The following FRY variants were observed in gnomAD, a reference collection of about 807,000 sequenced individuals.
FRY encodes the protein protein furry homolog.
A neutral mutation model predicts 348.4 loss-of-function variants in FRY; 128 were observed. That is an observed-to-expected ratio of 0.37 (90% CI 0.32 to 0.43). The LOEUF is 0.43. Ranked by LOEUF, FRY falls within the 20% of genes least tolerant of loss-of-function variation. FRY has a pLI of 1.00. For missense variants in FRY, 2,736 were observed against 3,695.2 expected, an observed-to-expected ratio of 0.74 and a Z score of 6.73; for synonymous variants, 1,370 against 1,374.7, an observed-to-expected ratio of 1.00 and a Z score of 0.08.
chr13:32,071,744 T>C (rs1874672392), intron 1 of FRY, among the ~76,000 whole-genome samples: 1 of 151,818 alleles, frequency 6.6e-6, no homozygotes, highest in Non-Finnish European at 1.5e-5. Flanking sequence ...AAATTGGGAG[T>C]TGCTAATCAG....
chr13:32,103,125 C>G (rs1364333000), intron 3 of FRY, among the ~76,000 whole-genome samples: 1 of 152,222 alleles, frequency 6.6e-6, no homozygotes, highest in Non-Finnish European at 1.5e-5. Flanking sequence ...ATGCTCACAG[C>G]CAGCCCTGCA....
chr13:32,171,804 T>G (rs1165363665), intron 18 of FRY, among the ~76,000 whole-genome samples: 1 of 119,254 alleles, frequency 8.4e-6, no homozygotes, highest in African/African-American at 3.1e-5. Context: ...ACAAGGCTAT[T>G]TAGGGAATAG....
intron 7 of FRY, among the ~76,000 whole-genome samples, chr13:32,127,149 A>G (rs1159271553): frequency 6.6e-6 from 1 of 152,214 alleles, no homozygotes; most frequent in East Asian, 1.9e-4. Context: ...ATTCATTTAA[A>G]TAGTAATAAT....
chr13:32,075,564 A>G (rs911952747), intron 1 of FRY, among the ~76,000 whole-genome samples: 1 of 152,218 alleles, frequency 6.6e-6, no homozygotes, highest in African/African-American at 2.4e-5. Context: ...CTTTCTAATG[A>G]TAATGCTCTA....
At chr13:32,268,580 T>G (rs920137244) in intron 55 of FRY, among the ~76,000 whole-genome samples, 1 of 143,754 alleles carries the variant, frequency 7.0e-6, no homozygotes, top group African/African-American at 2.6e-5. Flanking sequence ...TAGAAAATAA[T>G]GAAAATTATA....
At chr13:32,148,585 G>A (rs76755797) in intron 13 of FRY, among the ~76,000 whole-genome samples, 3,207 of 152,220 alleles carry the variant, frequency 0.021, 115 homozygotes, top group African/African-American at 0.072. Context: ...TGACCTCCTT[G>A]TGCAGAGGAA....
At chr13:32,252,638 TAAC>T (rs1887138823) in intron 50 of FRY, among the ~76,000 whole-genome samples, 2 of 151,234 alleles carry the variant, frequency 1.3e-5, no homozygotes, top group Non-Finnish European at 1.5e-5. Flanking sequence ...GAAAAAGAAA[TAAC>T]AAACTAATTT....
At chr13:32,267,459 T>A in intron 55 of FRY, 100 bp downstream of exon 55, 2 of 1,013,508 alleles carry the variant, frequency 2.0e-6, no homozygotes, top group Non-Finnish European at 3.1e-6. Flanking sequence ...GGGGTTATAC[T>A]ACTGTATTTT....
chr13:32,127,734 G>A (rs553150793), intron 7 of FRY, among the ~76,000 whole-genome samples: 14 of 152,084 alleles, frequency 9.2e-5, no homozygotes, highest in East Asian at 7.7e-4. Flanking sequence ...AGCCGAGATC[G>A]TGCCACTACA....
rs774667539 is a variant in FRY at position 32,237,564 on chromosome 13, G to A, written c.5996G>A (p.Arg1999Gln). Residue 1999 changes from arginine (R) to glutamine (Q), a missense_variant, in exon 44 of 61, where the codon CGA (arginine) becomes CAA (glutamine). Physicochemically the swap from Arg to Gln is conservative, Grantham distance 43. Coordinates refer to ENST00000542859, the MANE Select transcript of FRY (RefSeq NM_023037.3). The surrounding 1 kb of genome is among the most constrained non-coding windows in gnomAD (Gnocchi z 6.3). ...ATCGACCGATCCTCTGACCCACCTC[G>A]AAGTGCCACACTGGACAGAATTCAG... is the stretch of plus-strand genomic sequence containing the variant. ...GVIDRSSDPP[R>Q]SATLDRIQAC... The A allele has an allele frequency of 8.7e-6, 14 of 1,613,858 alleles. No homozygotes were observed. Among genetic ancestry groups the A allele is most frequent in the Non-Finnish European group, 1.1e-5 (13 of 1,179,994 alleles).
intron 13 of FRY, among the ~76,000 whole-genome samples, chr13:32,148,393 G>A (rs1880585916): frequency 6.6e-6 from 1 of 152,180 alleles, no homozygotes; most frequent in Admixed American, 6.5e-5. Flanking sequence ...GAATTTAATA[G>A]GAATATTAGC....
At chr13:32,293,075 A>G (rs1045915743) in intron 59 of FRY, among the ~76,000 whole-genome samples, 3 of 152,184 alleles carry the variant, frequency 2.0e-5, no homozygotes, top group Non-Finnish European at 4.4e-5. Flanking sequence ...CATAATTTTT[A>G]TAGGCATGGG....
rs776148066 is a variant in FRY at position 32,294,460 on chromosome 13, C to T, written c.8673C>T (p.Gly2891=). Residue 2891 remains glycine, a synonymous_variant, in exon 60 of 61, where the codon GGC becomes GGT. Transcript: ENST00000542859. ...CAGCTGACCCTCTCTATTCAGACGG[C>T]GCGTGGTCCGAGCCCACCTTCACGT... The part of the protein sequence containing the change: ...VIAADPLYSD[G]AWSEPTFTST... The T allele has an allele frequency of 2.5e-6, 4 of 1,613,834 alleles. No individual in the cohort carries two copies. The African/African-American group carries it at 5.3e-5, about 22-fold the overall frequency.
chr13:32,135,110 C>T lies in FRY; in HGVS notation c.1004C>T (p.Pro335Leu), dbSNP rs1298425964. The T allele has an allele frequency of 1.2e-6, 2 of 1,611,364 alleles. No individual in the cohort carries two copies. Among genetic ancestry groups the T allele is most frequent in the Non-Finnish European group, 1.7e-6 (2 of 1,177,580 alleles). Residue 335 changes from proline to leucine, a missense_variant, in exon 10 of 61, where the codon CCC (proline) becomes CTC (leucine). Physicochemically the swap from Pro to Leu is moderately conservative, Grantham distance 98 (BLOSUM62 -3). Transcript: ENST00000542859. Reference sequence around the variant, plus strand: ...GCTGTTAAAAATGAAGTAAATGTTCCCTGCCTTAGAAATTTTGTGGAAAGC... The same window carrying T: ...GCTGTTAAAAATGAAGTAAATGTTCTCTGCCTTAGAAATTTTGTGGAAAGC... ...AAAVKNEVNVPCLRNFVESLY... is the reference protein window; with the variant it reads ...AAAVKNEVNVLCLRNFVESLY...
At chr13:32,057,884 C>T (rs1028706511) in intron 1 of FRY, among the ~76,000 whole-genome samples, 4 of 152,006 alleles carry the variant, frequency 2.6e-5, no homozygotes, top group South Asian at 2.1e-4. Flanking sequence ...GGCGTGAACC[C>T]GGGAGGCGGA....
intron 51 of FRY, chr13:32,257,897 A>G (rs1887418299): frequency 2.2e-6 from 3 of 1,336,204 alleles, no homozygotes; most frequent in Middle Eastern, 1.8e-4. Flanking sequence ...GTTCTTGAGT[A>G]TCTTTAATAT....
At chr13:32,057,425 G>A (rs148713991) in intron 1 of FRY, among the ~76,000 whole-genome samples, 9,232 of 152,150 alleles carry the variant, frequency 0.061, 290 homozygotes, top group Middle Eastern at 0.095. Flanking sequence ...ACCCACCTCG[G>A]CCTTCCAAAG....
intron 11 of FRY, among the ~76,000 whole-genome samples, chr13:32,142,620 T>C (rs968795324): frequency 6.6e-6 from 1 of 151,758 alleles, no homozygotes; most frequent in Admixed American, 6.6e-5. Context: ...CAAAATTCCA[T>C]ACAAGTGCAA....
At chr13:32,096,440 G>C (rs536485629) in intron 2 of FRY, among the ~76,000 whole-genome samples, 18 of 151,852 alleles carry the variant, frequency 1.2e-4, no homozygotes, top group Admixed American at 4.6e-4. Context: ...AAAACTGCGG[G>C]GGGGGGCTTC....
Sources: allele counts gnomAD v4.1 joint callset (sites outside exome capture counted in the v4.1 genomes callset), GRCh38; gene constraint gnomAD v4.1.1; non-coding constraint Gnocchi (gnomAD v3.1); transcripts MANE v1.5; gene names NCBI Gene and HGNC (gene_info 2026-07-23, HGNC 2026-07-21).